The following NFIA variants were observed in gnomAD, a reference collection of about 807,000 sequenced individuals.
The protein encoded by NFIA is nuclear factor I A, also known as nuclear factor 1 A-type.
In NFIA, 8 loss-of-function variants were observed where a neutral mutation model predicts 62.8. That is an observed-to-expected ratio of 0.13 (90% CI 0.07 to 0.23). The LOEUF (loss-of-function observed/expected upper bound fraction) is 0.23, where lower values mean the gene tolerates loss of function less well. Ranked by LOEUF, NFIA falls within the 10% of genes least tolerant of loss-of-function variation. The pLI is 1.00. For missense variants in NFIA, 410 were observed against 642.1 expected (o/e 0.64, Z 3.91); for synonymous variants, 235 against 238.1 (o/e 0.99, Z 0.12).
intron 2 of NFIA, among the ~76,000 whole-genome samples, chr1:61,095,633 T>G (rs1335961225): frequency 6.6e-6 from 1 of 152,196 alleles, no homozygotes; most frequent in Non-Finnish European, 1.5e-5. Context: ...CCACACTTGA[T>G]AAAGAGAGAA....
Position 61,322,019 on chromosome 1 carries a change from A to G in NFIA, c.626-10493A>G, listed in dbSNP as rs192909060. ...GGGTAATTAAGTCTCTGATGCTAAA[A>G]ATCATGGATTAAAATGGGATAAAAT... On this transcript the variant is annotated intron_variant, in intron 3 of 10. Coordinates refer to ENST00000403491, the MANE Select transcript of NFIA (RefSeq NM_001134673.4). Among the ~76,000 whole-genome samples, 13 of 152,324 alleles carry G rather than the reference A, an allele frequency of 8.5e-5. No individual in the cohort carries two copies. In the East Asian group the frequency reaches 2.1e-3, roughly 25 times the overall value.
intron 2 of NFIA, among the ~76,000 whole-genome samples, chr1:61,139,741 A>G (rs1020052604): frequency 1.6e-4 from 25 of 152,108 alleles, no homozygotes; most frequent in African/African-American, 6.0e-4. Flanking sequence ...CGACAGATGT[A>G]TTCCCATTCT....
At chr1:61,394,320 C>T (rs1665159034) in intron 7 of NFIA, among the ~76,000 whole-genome samples, 1 of 152,112 alleles carries the variant, frequency 6.6e-6, no homozygotes, top group East Asian at 1.9e-4. Flanking sequence ...ACTACAGGTA[C>T]ACGCCACCAT....
At chr1:61,092,783 T>C (rs1197972292) in intron 2 of NFIA, among the ~76,000 whole-genome samples, 1 of 152,200 alleles carries the variant, frequency 6.6e-6, no homozygotes, top group Non-Finnish European at 1.5e-5. Flanking sequence ...AGCCGTGATA[T>C]GCAGATAGAC....
At chr1:61,187,301 T>C (rs1244356863) in intron 2 of NFIA, among the ~76,000 whole-genome samples, 1 of 152,200 alleles carries the variant, frequency 6.6e-6, no homozygotes, top group East Asian at 1.9e-4. Flanking sequence ...GCATCCATGC[T>C]GGTATATCCA....
intron 10 of NFIA, among the ~76,000 whole-genome samples, chr1:61,446,750 A>G (rs1667828402): frequency 6.6e-6 from 1 of 152,180 alleles, no homozygotes; most frequent in African/African-American, 2.4e-5. Flanking sequence ...TTTTACTTCA[A>G]TGTTATTTTC....
intron 2 of NFIA, among the ~76,000 whole-genome samples, chr1:61,158,852 A>T (rs952011420): frequency 2.0e-5 from 3 of 152,134 alleles, no homozygotes; most frequent in African/African-American, 7.2e-5. Context: ...GGAGCCATGC[A>T]TTTATTTTGG....
At chr1:61,369,323 A>T (rs571612950) in intron 6 of NFIA, among the ~76,000 whole-genome samples, 1 of 152,268 alleles carries the variant, frequency 6.6e-6, no homozygotes, top group East Asian at 1.9e-4. Flanking sequence ...ACAAGCAAAT[A>T]ATTTACTTGG....
chr1:61,430,523 C>A (rs1427061478), intron 10 of NFIA, among the ~76,000 whole-genome samples: 1 of 152,138 alleles, frequency 6.6e-6, no homozygotes, highest in Non-Finnish European at 1.5e-5. Context: ...TATATTATGG[C>A]CTTCTTTCCA....
chr1:61,251,742 C>T (rs1380838140), intron 2 of NFIA, among the ~76,000 whole-genome samples: 2 of 152,216 alleles, frequency 1.3e-5, no homozygotes, highest in African/African-American at 4.8e-5. Flanking sequence ...TTTGTATTAA[C>T]ACAGTGCCTC....
At chr1:61,207,806 A>C (rs1186220724) in intron 2 of NFIA, among the ~76,000 whole-genome samples, 5 of 152,076 alleles carry the variant, frequency 3.3e-5, no homozygotes, top group African/African-American at 7.2e-5. Flanking sequence ...TATTCAGACA[A>C]AAGTTTTTAA....
chr1:61,082,449 G>T (rs921212076), upstream of NFIA: 156 of 1,041,198 alleles, frequency 1.5e-4, no homozygotes, highest in Non-Finnish European at 1.8e-4. Flanking sequence ...CGGGCGCGCG[G>T]GCAGCTCGCG....
At chr1:61,223,551 T>C (rs1654148766) in intron 2 of NFIA, among the ~76,000 whole-genome samples, 1 of 152,082 alleles carries the variant, frequency 6.6e-6, no homozygotes, top group African/African-American at 2.4e-5. Flanking sequence ...AACTTATTTT[T>C]AGAATATAAG....
chr1:61,160,376 T>C (rs1231208621), intron 2 of NFIA, among the ~76,000 whole-genome samples: 3 of 152,220 alleles, frequency 2.0e-5, no homozygotes, highest in Non-Finnish European at 2.9e-5. Flanking sequence ...TGATTTCTAA[T>C]GAGCTCTTCA....
chr1:61,380,751 T>C (rs527691467), intron 6 of NFIA, among the ~76,000 whole-genome samples: 1 of 152,294 alleles, frequency 6.6e-6, no homozygotes, highest in South Asian at 2.1e-4. Flanking sequence ...TACTTGACTG[T>C]GATAAATTTA....
chr1:61,456,834 A>G lies in NFIA; in HGVS notation c.*1514A>G, dbSNP rs1668330021. 6.6e-6 allele frequency: 1 copy of G among 151,616 alleles called. No individual in the cohort carries two copies. Among genetic ancestry groups the G allele is most frequent in the Non-Finnish European group, 1.5e-5 (1 of 67,932 alleles). 9.4% of individuals were successfully genotyped at this position (151,616 alleles called of 1,614,324 possible). On this transcript the variant is annotated 3_prime_UTR_variant, in exon 11 of 11. Coordinates refer to ENST00000403491, the MANE Select transcript of NFIA (RefSeq NM_001134673.4). Reference sequence around the variant, plus strand: ...AAAACAAAAACAAAAAAAAAACACAAAAAACCACAGAAACAAAAACAAAAA... The same window carrying G: ...AAAACAAAAACAAAAAAAAAACACAGAAAACCACAGAAACAAAAACAAAAA...
intron 7 of NFIA, among the ~76,000 whole-genome samples, chr1:61,384,616 C>G (rs1025132306): frequency 6.6e-6 from 1 of 152,086 alleles, no homozygotes; most frequent in African/African-American, 2.4e-5. Flanking sequence ...AGATATTATC[C>G]TCATAGTTAA....
At chr1:61,294,143 C>T (rs189387915) in intron 3 of NFIA, among the ~76,000 whole-genome samples, 24 of 152,336 alleles carry the variant, frequency 1.6e-4, no homozygotes, top group Admixed American at 1.4e-3. Context: ...AAGCACAGTA[C>T]ATGCATCTTT....
chr1:61,418,641 ATAT>A (rs1193311466), intron 9 of NFIA, among the ~76,000 whole-genome samples: 1 of 152,206 alleles, frequency 6.6e-6, no homozygotes, highest in Non-Finnish European at 1.5e-5. Context: ...TTATTTTAAG[ATAT>A]TATTAATGGC....
Sources: gnomAD v4.1 joint callset for allele counts (sites outside exome capture counted in the v4.1 genomes callset) on GRCh38, gnomAD v4.1.1 for gene constraint, MANE v1.5 for transcripts, NCBI Gene and HGNC (gene_info 2026-07-23, HGNC 2026-07-21) for gene names.